The following SYN2 variants were observed in gnomAD, a reference collection of about 807,000 sequenced individuals.
SYN2 encodes the protein synapsin-2.
In SYN2, 19 loss-of-function variants were observed where a neutral mutation model predicts 50.9. The ratio of observed to expected loss-of-function variants is 0.37; its 90% CI spans 0.26 to 0.55. The LOEUF is 0.55. SYN2 is among the 20% of genes least tolerant of loss of function. The pLI, the probability that SYN2 is intolerant of heterozygous loss-of-function variation, is 0.81. For missense variants in SYN2, 587 were observed against 576.4 expected, an observed-to-expected ratio of 1.02 and a Z score of -0.19; for synonymous variants, 255 against 224.9, an observed-to-expected ratio of 1.13 and a Z score of -1.20.
chr3:12,122,909 T>C (rs1231449356), intron 1 of SYN2, among the ~76,000 whole-genome samples: 1 of 151,346 alleles, frequency 6.6e-6, no homozygotes, highest in African/African-American at 2.4e-5. Context: ...CATGATACTA[T>C]GAATAAAATA....
intron 1 of SYN2, among the ~76,000 whole-genome samples, chr3:12,077,778 C>T (rs1299226040): frequency 6.6e-6 from 1 of 152,134 alleles, no homozygotes; most frequent in East Asian, 1.9e-4. Flanking sequence ...TTGCAATGAA[C>T]ATACATGTGC....
At chr3:12,053,806 A>T (rs901101400) in intron 1 of SYN2, among the ~76,000 whole-genome samples, 6 of 152,332 alleles carry the variant, frequency 3.9e-5, no homozygotes, top group South Asian at 4.1e-4. Context: ...AAGTTAAATT[A>T]AAAAATTAAG....
intron 1 of SYN2, among the ~76,000 whole-genome samples, chr3:12,025,678 C>A (rs1229281017): frequency 1.3e-5 from 2 of 151,806 alleles, no homozygotes; most frequent in African/African-American, 4.8e-5. Context: ...GATGGGGGGG[C>A]TTTTCCTGAT....
At chr3:12,093,708 C>T (rs1015795342) in intron 1 of SYN2, among the ~76,000 whole-genome samples, 2 of 152,110 alleles carry the variant, frequency 1.3e-5, no homozygotes, top group Non-Finnish European at 2.9e-5. Flanking sequence ...TCCACATTAG[C>T]GTCTTTTTTC....
rs1488414896 is a variant in SYN2, at chr3:12,191,874, T to A, written c.*1249T>A. 6.6e-6 allele frequency among the ~76,000 whole-genome samples: 1 copy of A among 152,076 alleles called. No individual in the cohort carries two copies. The highest frequency in any genetic ancestry group is 1.5e-5 in the Non-Finnish European group (1 of 68,030). ...GCTCCCACAGATCTCAACGAAGGCA[T>A]CCTAAAGAGGCCTGCAATTGAGGGT... On this transcript the variant is annotated 3_prime_UTR_variant, in exon 13 of 13. Coordinates refer to ENST00000621198, the MANE Select transcript of SYN2 (RefSeq NM_133625.6).
At chr3:12,143,154 CACAGTGT>C (rs1328210051) in intron 3 of SYN2, among the ~76,000 whole-genome samples, 1 of 152,084 alleles carries the variant, frequency 6.6e-6, no homozygotes, top group African/African-American at 2.4e-5. Context: ...AGGGGCTGGC[CACAGTGT>C]ACAGCTCAAT....
In SYN2 at chr3:12,166,653, T is replaced by G. The variant is rs186244549; in HGVS notation, c.981-581T>G. ...TTAATTGACTTCCCCAGAGTCACAT[T>G]GCTAATATTATAGTGGCCTTCAGAA... On this transcript the variant is annotated intron_variant, in intron 7 of 12. Coordinates refer to ENST00000621198, the MANE Select transcript of SYN2 (RefSeq NM_133625.6). 1.6e-3 allele frequency among the ~76,000 whole-genome samples: 249 copies of G among 152,318 alleles called. 4 individuals are homozygous for G. The highest frequency in any genetic ancestry group is 0.014 in the Admixed American group (216 of 15,304).
chr3:12,005,149 T>A (rs1693768393), intron 1 of SYN2, among the ~76,000 whole-genome samples: 1 of 152,022 alleles, frequency 6.6e-6, no homozygotes, highest in Non-Finnish European at 1.5e-5. Flanking sequence ...AAAATACCCC[T>A]CAATTGCCCC....
chr3:12,174,017 C>T (rs1697999458), intron 10 of SYN2, among the ~76,000 whole-genome samples: 1 of 152,160 alleles, frequency 6.6e-6, no homozygotes, highest in Admixed American at 6.5e-5. Context: ...CCTCTAAACA[C>T]TATTTTCTAG....
chr3:12,129,045 G>A (rs887262003), intron 1 of SYN2, among the ~76,000 whole-genome samples: 9 of 151,542 alleles, frequency 5.9e-5, no homozygotes, highest in East Asian at 3.9e-4. Flanking sequence ...TAGAAATAAC[G>A]AAGAATAATA....
At chr3:12,005,201 A>G (rs1016759638) in intron 1 of SYN2, among the ~76,000 whole-genome samples, 16 of 152,170 alleles carry the variant, frequency 1.1e-4, no homozygotes, top group Non-Finnish European at 1.6e-4. Context: ...ACTTTATGCA[A>G]CAGGAAAGGC....
intron 1 of SYN2, among the ~76,000 whole-genome samples, chr3:12,134,186 G>C (rs916770436): frequency 7.9e-5 from 12 of 152,160 alleles, no homozygotes; most frequent in African/African-American, 2.9e-4. Flanking sequence ...CATGATGTTT[G>C]GGACTTACTT....
chr3:12,140,344 TG>T (rs5846750), intron 1 of SYN2, among the ~76,000 whole-genome samples: 6,278 of 152,304 alleles, frequency 0.041, 267 homozygotes, highest in Admixed American at 0.11. Flanking sequence ...CTAGCCTTTA[TG>T]AAGAATAAAA....
chr3:12,027,641 T>G (rs2125139434), intron 1 of SYN2, among the ~76,000 whole-genome samples: 1 of 152,358 alleles, frequency 6.6e-6, no homozygotes, highest in Admixed American at 6.5e-5. Flanking sequence ...TGAATCCTTA[T>G]GTCTTCAAAG....
At chr3:12,139,470 A>G (rs1241198594) in intron 1 of SYN2, among the ~76,000 whole-genome samples, 4 of 152,344 alleles carry the variant, frequency 2.6e-5, no homozygotes, top group East Asian at 1.9e-4. Flanking sequence ...AGAGTGCCAC[A>G]GACTTAGATG....
chr3:12,022,819 A>T (rs891047062), intron 1 of SYN2, among the ~76,000 whole-genome samples: 4 of 152,126 alleles, frequency 2.6e-5, no homozygotes, highest in African/African-American at 9.6e-5. Flanking sequence ...AAGTGCTGGG[A>T]TGACAGGTAT....
intron 1 of SYN2, among the ~76,000 whole-genome samples, chr3:12,079,226 T>C (rs1404563389): frequency 6.6e-6 from 1 of 152,216 alleles, no homozygotes; most frequent in Non-Finnish European, 1.5e-5. Context: ...ATTTTCTAGA[T>C]ATAGGATCAT....
Position 12,137,556 on chromosome 3 carries a change from CAATA to C in SYN2, c.378-3094_378-3091del, listed in dbSNP as rs375896522. Among the ~76,000 whole-genome samples, 716 of 152,274 alleles carry C rather than the reference CAATA, an allele frequency of 4.7e-3. 4 individuals carry two copies. The highest frequency in any genetic ancestry group is 0.016 in the African/African-American group (680 of 41,544). On this transcript the variant is annotated intron_variant, in intron 1 of 12. Transcript: ENST00000621198. The stretch of plus-strand genomic sequence containing the variant: ...GAAACTAGAAATCTAATGTGCTCAC[CAATA>C]TATAATGCCAATGCCAATACATGTT...
At chr3:12,117,693 T>C (rs79187649) in intron 1 of SYN2, among the ~76,000 whole-genome samples, 25,591 of 152,160 alleles carry the variant, frequency 0.17, 2,849 homozygotes, top group Non-Finnish European at 0.25. Flanking sequence ...AATTCTGCCT[T>C]GGGGTTGCAG....
Sources: gnomAD v4.1 joint callset for allele counts (sites outside exome capture counted in the v4.1 genomes callset) on GRCh38, gnomAD v4.1.1 for gene constraint, MANE v1.5 for transcripts, NCBI Gene and HGNC (gene_info 2026-07-23, HGNC 2026-07-21) for gene names.